Variants in GPC5 observed in about 807,000 individuals in gnomAD.
GPC5 encodes glypican 5.
GPC5 carries 47 observed loss-of-function variants against 53.9 expected under a neutral mutation model. That is an observed-to-expected ratio of 0.87 (90% CI 0.69 to 1.11). GPC5 has a LOEUF of 1.11. Ranked by LOEUF, GPC5 falls within the 50% of genes most tolerant of loss-of-function variation. GPC5 has a pLI of 0.00. For synonymous variants in GPC5, 286 were observed against 263.3 expected (o/e 1.09, Z -0.84); for missense variants, 748 against 713.1 (o/e 1.05, Z -0.56).
At chr13:92,185,532 C>T (rs1463390246) in intron 7 of GPC5, among the ~76,000 whole-genome samples, 1 of 151,988 alleles carries the variant, frequency 6.6e-6, no homozygotes, top group Non-Finnish European at 1.5e-5. Flanking sequence ...CTCCTTTTCA[C>T]CACAATAAGA....
At chr13:92,648,959 G>A (rs763935433) in intron 7 of GPC5, among the ~76,000 whole-genome samples, 2 of 152,088 alleles carry the variant, frequency 1.3e-5, no homozygotes, top group Non-Finnish European at 2.9e-5. Context: ...ATATAAGTAT[G>A]TATAATAACC....
At chr13:92,132,029 C>A (rs1288596744) in intron 6 of GPC5, among the ~76,000 whole-genome samples, 1 of 151,990 alleles carries the variant, frequency 6.6e-6, no homozygotes, top group African/African-American at 2.4e-5. Flanking sequence ...CCACCAAGGG[C>A]AGAATGTAAA....
chr13:91,453,795 C>CCTT (rs1881353398), intron 2 of GPC5, among the ~76,000 whole-genome samples: 1 of 152,038 alleles, frequency 6.6e-6, no homozygotes, highest in South Asian at 2.1e-4. Flanking sequence ...CCTCCCTCCT[C>CCTT]CTTCTTCCTT....
chr13:92,427,552 A>G (rs1876890368), intron 7 of GPC5, among the ~76,000 whole-genome samples: 1 of 151,956 alleles, frequency 6.6e-6, no homozygotes, highest in Non-Finnish European at 1.5e-5. Context: ...TGCTTCTGAT[A>G]GTAATTGTAG....
rs114995858 is a variant in GPC5, at chr13:92,515,725, T to C, written c.1562-350557T>C. On this transcript the variant is annotated intron_variant, in intron 7 of 7. Transcript: ENST00000377067. Reference sequence around the variant, plus strand: ...TAACCACCAAAAATGGAAATCCTGGTTTATGGATGACACAGGCCTTAAGAC... The same window carrying C: ...TAACCACCAAAAATGGAAATCCTGGCTTATGGATGACACAGGCCTTAAGAC... 3.6e-3 allele frequency among the ~76,000 whole-genome samples: 543 copies of C among 152,218 alleles called. 1 individual carries two copies. Among genetic ancestry groups the C allele is most frequent in the African/African-American group, 0.012 (504 of 41,532 alleles).
At chr13:91,696,262 T>C (rs1388386117) in intron 3 of GPC5, among the ~76,000 whole-genome samples, 1 of 152,222 alleles carries the variant, frequency 6.6e-6, no homozygotes, top group Non-Finnish European at 1.5e-5. Context: ...AACTCTCTGC[T>C]GTATTTTCAA....
At chr13:92,426,542 G>A (rs1014181915) in intron 7 of GPC5, among the ~76,000 whole-genome samples, 4 of 152,004 alleles carry the variant, frequency 2.6e-5, no homozygotes, top group African/African-American at 9.7e-5. Context: ...TAAGACTTAT[G>A]ATGCAAAATT....
chr13:92,507,452 A>AT (rs907369888), intron 7 of GPC5, among the ~76,000 whole-genome samples: 3 of 152,266 alleles, frequency 2.0e-5, no homozygotes, highest in Non-Finnish European at 2.9e-5. Context: ...CTCTACAAAT[A>AT]TTTTTTTCAT....
At chr13:91,812,706 C>G (rs1265414047) in intron 5 of GPC5, among the ~76,000 whole-genome samples, 3 of 152,168 alleles carry the variant, frequency 2.0e-5, no homozygotes, top group Non-Finnish European at 4.4e-5. Context: ...TTATTTCACT[C>G]TCTCAGCGTT....
chr13:92,721,829 C>T (rs1473331320), intron 7 of GPC5, among the ~76,000 whole-genome samples: 1 of 151,894 alleles, frequency 6.6e-6, no homozygotes, highest in East Asian at 1.9e-4. Flanking sequence ...TCACCTCTTC[C>T]AGGTTTAATG....
intron 7 of GPC5, among the ~76,000 whole-genome samples, chr13:92,218,103 A>T (rs921935489): frequency 1.3e-4 from 19 of 151,580 alleles, no homozygotes; most frequent in Non-Finnish European, 5.9e-5. Flanking sequence ...TTTAAAAAAA[A>T]ATTTAGTAGA....
At chr13:92,431,045 T>C (rs542852664) in intron 7 of GPC5, among the ~76,000 whole-genome samples, 1 of 152,310 alleles carries the variant, frequency 6.6e-6, no homozygotes, top group African/African-American at 2.4e-5. Flanking sequence ...AGAATTTAGA[T>C]ATCTTTTTAT....
At chr13:91,845,720 A>G (rs1330425153) in intron 5 of GPC5, among the ~76,000 whole-genome samples, 1 of 152,164 alleles carries the variant, frequency 6.6e-6, no homozygotes, top group African/African-American at 2.4e-5. Flanking sequence ...AAAATATTAA[A>G]TAGTATTACC....
At position 92,300,155 on chromosome 13, in the gene GPC5, A is replaced by C. The variant is rs536418054; in HGVS notation, c.1561+155166A>C. On this transcript the variant is annotated intron_variant, in intron 7 of 7. Coordinates refer to ENST00000377067, the MANE Select transcript of GPC5 (RefSeq NM_004466.6). ...GAAGCACACTTTCCATTTGCAGACTATAGAACAATGGATATTGTCTCGGAA... is the reference window on the plus strand; with the variant it reads ...GAAGCACACTTTCCATTTGCAGACTCTAGAACAATGGATATTGTCTCGGAA... Among the ~76,000 whole-genome samples the C allele has an allele frequency of 8.5e-5, 13 of 152,328 alleles. 1 individual carries two copies. Among genetic ancestry groups the C allele is most frequent in the Admixed American group, 2.6e-4 (4 of 15,304 alleles).
intron 5 of GPC5, among the ~76,000 whole-genome samples, chr13:91,837,880 T>C (rs1435806798): frequency 6.6e-6 from 1 of 152,024 alleles, no homozygotes; most frequent in African/African-American, 2.4e-5. Flanking sequence ...TGGTGATTGG[T>C]AAAAAATGAC....
intron 2 of GPC5, among the ~76,000 whole-genome samples, chr13:91,621,173 A>C (rs1194940435): frequency 6.6e-6 from 1 of 152,206 alleles, no homozygotes; most frequent in Non-Finnish European, 1.5e-5. Flanking sequence ...ACAAAAAAAC[A>C]TAAAGCATAG....
At chr13:91,518,037 G>A (rs1885597363) in intron 2 of GPC5, among the ~76,000 whole-genome samples, 1 of 152,158 alleles carries the variant, frequency 6.6e-6, no homozygotes, top group African/African-American at 2.4e-5. Flanking sequence ...CCATCTTATA[G>A]CAAAATGATA....
intron 5 of GPC5, among the ~76,000 whole-genome samples, chr13:91,907,503 TTATATA>T (rs369447673): frequency 7.7e-6 from 1 of 129,554 alleles, no homozygotes; most frequent in African/African-American, 3.0e-5. Context: ...CTCTCTCTCT[TTATATA>T]TATATATATA....
chr13:91,469,085 T>G (rs1882436288), intron 2 of GPC5, among the ~76,000 whole-genome samples: 1 of 151,792 alleles, frequency 6.6e-6, no homozygotes, highest in South Asian at 2.1e-4. Context: ...TTCTCTCTTT[T>G]CTTTTTATTC....
Sources: allele counts gnomAD v4.1 joint callset (sites outside exome capture counted in the v4.1 genomes callset), GRCh38; gene constraint gnomAD v4.1.1; transcripts MANE v1.5; gene names NCBI Gene and HGNC (gene_info 2026-07-23, HGNC 2026-07-21).